The following TMEM132D variants were observed in gnomAD, a reference collection of about 807,000 sequenced individuals.
TMEM132D encodes the protein mature OL transmembrane protein.
TMEM132D carries 21 observed loss-of-function variants against 62.3 expected under a neutral mutation model. That is an observed-to-expected ratio of 0.34 (90% CI 0.24 to 0.49). The LOEUF is 0.49. Ranked by LOEUF, TMEM132D falls within the 20% of genes least tolerant of loss-of-function variation. The probability of loss-of-function intolerance (pLI) is 0.99; values close to 1 mark genes in which losing one functional copy is unlikely to be tolerated. For synonymous variants in TMEM132D, 621 were observed against 575.6 expected (o/e 1.08, Z -1.13); for missense variants, 1,346 against 1,402.8 (o/e 0.96, Z 0.65).
rs149443107 is a variant in TMEM132D at position 129,225,263 on chromosome 12, G to A, written c.1300-15600C>T. Among the ~76,000 whole-genome samples, 1,506 of 152,306 alleles carry A rather than the reference G, an allele frequency of 9.9e-3. 16 individuals carry two copies. Among genetic ancestry groups the A allele is most frequent in the Middle Eastern group, 0.017 (5 of 294 alleles). On this transcript the variant is annotated intron_variant, in intron 4 of 8. Transcript: ENST00000422113. ...AAGCTACATGTTCACCATTGTTGGC[G>A]TCATCCACGCTGCCTGACTTTAAGA...
At chr12:129,855,284 G>A (rs866941053) in intron 1 of TMEM132D, among the ~76,000 whole-genome samples, 273 of 96,948 alleles carry the variant, frequency 2.8e-3, no homozygotes, top group African/African-American at 0.011. Context: ...GAGTCCGGGG[G>A]AACGGGATGG....
intron 2 of TMEM132D, among the ~76,000 whole-genome samples, chr12:129,533,995 A>C (rs1469775561): frequency 6.6e-6 from 1 of 152,226 alleles, no homozygotes; most frequent in African/African-American, 2.4e-5. Context: ...TGTTGGGTTA[A>C]TAATTTTGAA....
intron 2 of TMEM132D, among the ~76,000 whole-genome samples, chr12:129,649,800 ATGTG>A (rs912353408): frequency 3.7e-4 from 56 of 150,518 alleles, no homozygotes; most frequent in South Asian, 1.7e-3. Context: ...GTGTGTGCGT[ATGTG>A]TGTGTGTATG....
In TMEM132D at chr12:129,843,943, T is replaced by A. The variant is rs11060585; in HGVS notation, c.79+59318A>T. 7.3e-3 allele frequency among the ~76,000 whole-genome samples: 1,009 copies of A among 137,494 alleles called. 7 individuals are homozygous for A. Among genetic ancestry groups the A allele is most frequent in the African/African-American group, 0.02 (756 of 36,904 alleles). The allele number at this position is 137,494 out of a possible 152,430, so 90.2% of individuals were successfully genotyped here. A position where few individuals can be genotyped will look rare whatever the true frequency, so the allele number is the denominator to read the frequency against. On this transcript the variant is annotated intron_variant, in intron 1 of 8. Transcript: ENST00000422113. ...GTGTCTACAAAAATTAAAAAAAAAA[T>A]TTTTTTAATTAGTTGGGTGTGGTGG... is the stretch of plus-strand genomic sequence containing the variant.
chr12:129,376,061 A>T (rs1312937692), intron 3 of TMEM132D, among the ~76,000 whole-genome samples: 2 of 152,194 alleles, frequency 1.3e-5, no homozygotes, highest in African/African-American at 2.4e-5. Context: ...TGAGAATGTG[A>T]TGTTAACATT....
intron 3 of TMEM132D, among the ~76,000 whole-genome samples, chr12:129,339,476 A>G (rs1300467197): frequency 6.6e-6 from 1 of 152,176 alleles, no homozygotes; most frequent in Non-Finnish European, 1.5e-5. Flanking sequence ...GAATCCTACA[A>G]AACGCACTCC....
intron 3 of TMEM132D, among the ~76,000 whole-genome samples, chr12:129,507,702 C>T (rs528051342): frequency 2.0e-5 from 3 of 152,040 alleles, no homozygotes; most frequent in Admixed American, 2.0e-4. Flanking sequence ...TCTGGGGACT[C>T]AAGGGGAAAG....
intron 5 of TMEM132D, among the ~76,000 whole-genome samples, chr12:129,136,117 T>A (rs944170568): frequency 3.3e-5 from 5 of 152,238 alleles, no homozygotes; most frequent in African/African-American, 1.2e-4. Context: ...GAGCAATTTT[T>A]ATTAAGTTCA....
chr12:129,350,239 CCCCAGCTAAGGAAGAGAA>C (rs1761543744), intron 3 of TMEM132D, among the ~76,000 whole-genome samples: 2 of 152,148 alleles, frequency 1.3e-5, no homozygotes, highest in Admixed American at 1.3e-4. Flanking sequence ...GACTTCTCTT[CCCCAGCTAAGGAAGAGAA>C]CCTTGTTACA....
intron 4 of TMEM132D, among the ~76,000 whole-genome samples, chr12:129,291,795 C>T (rs558779920): frequency 5.9e-5 from 9 of 152,002 alleles, no homozygotes; most frequent in Non-Finnish European, 1.2e-4. Context: ...GGCTATGGGG[C>T]TATTGAGGTT....
intron 1 of TMEM132D, among the ~76,000 whole-genome samples, chr12:129,706,152 A>C (rs536029031): frequency 6.0e-4 from 92 of 152,176 alleles, no homozygotes; most frequent in Non-Finnish European, 1.0e-3. Flanking sequence ...TATTATATAT[A>C]AGTGGCTTAG....
At chr12:129,893,954 CG>C (rs1875019880) in intron 1 of TMEM132D, among the ~76,000 whole-genome samples, 1 of 152,152 alleles carries the variant, frequency 6.6e-6, no homozygotes, top group African/African-American at 2.4e-5. Flanking sequence ...GAGCTTATCC[CG>C]AGGCTTGTCC....
At chr12:129,362,538 AC>A (rs1870282129) in intron 3 of TMEM132D, among the ~76,000 whole-genome samples, 1 of 151,998 alleles carries the variant, frequency 6.6e-6, no homozygotes, top group African/African-American at 2.4e-5. Context: ...TAAAAAAAAA[AC>A]ATATTCGCCT....
intron 2 of TMEM132D, among the ~76,000 whole-genome samples, chr12:129,683,809 C>T (rs1465743082): frequency 6.6e-6 from 1 of 152,146 alleles, no homozygotes; most frequent in Non-Finnish European, 1.5e-5. Context: ...CTATCCTTGC[C>T]CACTCGAATC....
chr12:129,267,836 A>G (rs935572265), intron 4 of TMEM132D, among the ~76,000 whole-genome samples: 11 of 152,196 alleles, frequency 7.2e-5, no homozygotes, highest in Non-Finnish European at 1.0e-4. Context: ...CAAAACAGAG[A>G]TATAGATCAA....
intron 2 of TMEM132D, among the ~76,000 whole-genome samples, chr12:129,687,833 G>A (rs2137214130): frequency 6.6e-6 from 1 of 152,236 alleles, no homozygotes; most frequent in African/African-American, 2.4e-5. Flanking sequence ...TGGCCAGAGT[G>A]AATTTCTATT....
chr12:129,877,628 C>CAGAG (rs71085585), intron 1 of TMEM132D, among the ~76,000 whole-genome samples: 64 of 146,960 alleles, frequency 4.4e-4, no homozygotes, highest in African/African-American at 1.6e-3. Context: ...CACACACACA[C>CAGAG]AGAGAGAGAG....
At chr12:129,841,032 G>A (rs1265218686) in intron 1 of TMEM132D, among the ~76,000 whole-genome samples, 2 of 152,172 alleles carry the variant, frequency 1.3e-5, no homozygotes, top group African/African-American at 2.4e-5. Flanking sequence ...TAGATTAAGT[G>A]TATTCAACTT....
At chr12:129,265,858 T>C (rs772982345) in intron 4 of TMEM132D, among the ~76,000 whole-genome samples, 7 of 152,044 alleles carry the variant, frequency 4.6e-5, no homozygotes, top group Non-Finnish European at 7.4e-5. Flanking sequence ...CTGTCCCTCT[T>C]ACAATCTTTC....
Sources: gnomAD v4.1 joint callset for allele counts (sites outside exome capture counted in the v4.1 genomes callset) on GRCh38, gnomAD v4.1.1 for gene constraint, MANE v1.5 for transcripts, NCBI Gene and HGNC (gene_info 2026-07-23, HGNC 2026-07-21) for gene names.